Variants in PEX6 observed in about 807,000 individuals in gnomAD.
The protein encoded by PEX6 is peroxisomal biogenesis factor 6, also known as peroxisome biogenesis factor 6.
In PEX6, 55 loss-of-function variants were observed where a neutral mutation model predicts 85.6. That is an observed-to-expected ratio of 0.64 (90% CI 0.52 to 0.80). The LOEUF is 0.80. PEX6 is among the 30% of genes least tolerant of loss of function. The probability of loss-of-function intolerance (pLI) is 0.00; values close to 1 mark genes in which losing one functional copy is unlikely to be tolerated. For missense variants in PEX6, 1,099 were observed against 1,260.3 expected (o/e 0.87, Z 1.94); for synonymous variants, 519 against 549.1 (o/e 0.95, Z 0.77).
At position 42,968,969 on chromosome 6, in the gene PEX6, C is replaced by T. The variant is rs2114246099; in HGVS notation, c.1384G>A (p.Gly462Arg). The T allele has an allele frequency of 6.2e-7, 1 of 1,613,526 alleles. No homozygotes were observed. ...RLQPGGALLT[G>R]TSSVLLRGPP... ...CCCCGTAGAAGGACACTGCTAGTTCCTGTCAGCAGGGCACCCCTGCAACCA... is the reference window on the plus strand; with the variant it reads ...CCCCGTAGAAGGACACTGCTAGTTCTTGTCAGCAGGGCACCCCTGCAACCA... Residue 462 changes from glycine (G) to arginine (R), a missense_variant, in exon 6 of 17, where the codon GGA (glycine) becomes AGA (arginine). Transcript: ENST00000304611.
At chr6:42,974,242 T>A (rs1308328422) in intron 2 of PEX6, among the ~76,000 whole-genome samples, 156 bp from the exon 3 acceptor site, 1 of 151,936 alleles carries the variant, frequency 6.6e-6, no homozygotes, top group Non-Finnish European at 1.5e-5. Flanking sequence ...AGTCTTAGGA[T>A]GAGCTAGGGG....
Position 42,966,553 on chromosome 6 carries a change from G to T in PEX6, c.2066C>A (p.Ala689Asp), listed in dbSNP as rs1396207688. The T allele has an allele frequency of 6.2e-7, 1 of 1,614,090 alleles. No individual in the cohort carries two copies. Among genetic ancestry groups the T allele is most frequent in the African/African-American group, 1.3e-5 (1 of 74,920 alleles). The change falls in exon 10 of 17, where the codon GCT becomes GAT. Residue 689 changes from alanine (A) to aspartate (D), a missense_variant. This residue lies in a region of PEX6 where 514 missense variants were observed against 627.0 expected (regional missense o/e 0.82). Transcript: ENST00000304611. ...FGQALEQLQT[A>D]HSQAVGAPKI... ...GGGGGCTCCAACGGCCTGGGAGTGAGCTGTCTGCAGTTGCTCCAGTGCCTG... is the reference window on the plus strand; with the variant it reads ...GGGGGCTCCAACGGCCTGGGAGTGATCTGTCTGCAGTTGCTCCAGTGCCTG...
At chr6:42,978,159 C>T (rs1192197220) in intron 1 of PEX6, 110 bp downstream of exon 1, 1 of 1,348,324 alleles carries the variant, frequency 7.4e-7, no homozygotes, top group Non-Finnish European at 1.1e-6. Flanking sequence ...ACATTATGTT[C>T]AAAGTCCGGG....
intron 8 of PEX6, 74 bp from the exon 9 acceptor site, chr6:42,966,932 G>C (rs1033566778): frequency 1.8e-5 from 19 of 1,047,714 alleles, no homozygotes; most frequent in African/African-American, 7.8e-5. Context: ...CCCCCAGCTA[G>C]AGCAGAGGCC....
chr6:42,966,491 G>A (rs377590287), intron 10 of PEX6, 34 bp downstream of exon 10: 7 of 1,614,120 alleles, frequency 4.3e-6, no homozygotes, highest in Non-Finnish European at 5.9e-6. Flanking sequence ...TCTTGGAGGG[G>A]CTCCTGTCCC....
In PEX6 at chr6:42,974,957, G is replaced by A; in HGVS notation, c.964C>T (p.His322Tyr). ...TGGGGAGAAGACACAATTTCGATGT[G>A]TAACTCTCTGGCAAATGGAGGCCCA... is the stretch of plus-strand genomic sequence containing the variant. ...LPGPPFARELHIEIVSSPHYS... is the reference protein window; with the variant it reads ...LPGPPFARELYIEIVSSPHYS... The change falls in exon 2 of 17, where the codon CAC becomes TAC. Residue 322 changes from histidine to tyrosine, a missense_variant. His to Tyr is a moderately conservative substitution (Grantham distance 83). Transcript: ENST00000304611. 6.2e-7 allele frequency: 1 copy of A among 1,613,834 alleles called. No individual in the cohort carries two copies.
Position 42,979,048 on chromosome 6 carries a change from C to T in PEX6, c.103G>A (p.Gly35Ser), listed in dbSNP as rs991917699. 4 of 1,534,350 alleles carry T rather than the reference C, an allele frequency of 2.6e-6. No individual in the cohort carries two copies. The African/African-American group carries it at 5.5e-5, about 21-fold the overall frequency. The change falls in exon 1 of 17, where the codon GGC (glycine) becomes AGC (serine). Residue 35 changes from glycine (G) to serine (S), a missense_variant. Gly to Ser is a moderately conservative substitution (Grantham distance 56). Around this residue, in one of 3 missense-constraint regions of PEX6, gnomAD observed 579 missense variants for 611.6 expected, o/e 0.95. Coordinates refer to ENST00000304611, the MANE Select transcript of PEX6 (RefSeq NM_000287.4). ...GCAGGCCTCAGGGCCAGCACCAGGCCCAGCTCCGCCGCCGGCCACGGGCCC... is the reference window on the plus strand; with the variant it reads ...GCAGGCCTCAGGGCCAGCACCAGGCTCAGCTCCGCCGCCGGCCACGGGCCC... ...PGGPWPAAEL[G>S]LVLALRPAGE...
intron 8 of PEX6, 64 bp downstream of exon 8, chr6:42,967,304 T>G: frequency 1.3e-6 from 2 of 1,490,572 alleles, no homozygotes; most frequent in Non-Finnish European, 1.8e-6. Flanking sequence ...GCAACAGGAC[T>G]GAGTTCTTGT....
chr6:42,966,239 C>A lies in PEX6; in HGVS notation c.2300+3G>T. ...CACCATCCCTTCCAGGCCCCCTGGC[C>A]ACCTGAGGAAGGTAAGGCTGCACTC... is the stretch of plus-strand genomic sequence containing the variant. On this transcript the variant is annotated splice_donor_region_variant and intron_variant, in intron 11 of 16. Transcript: ENST00000304611. The A allele has an allele frequency of 6.2e-7, 1 of 1,612,024 alleles. No homozygotes were observed. Among genetic ancestry groups the A allele is most frequent in the Non-Finnish European group, 8.5e-7 (1 of 1,179,814 alleles).
rs996462307 is a variant in PEX6 at position 42,973,900 on chromosome 6, A to C, written c.1130+103T>G. The C allele has an allele frequency of 1.7e-5, 14 of 824,756 alleles. No individual in the cohort carries two copies. The Middle Eastern group carries it at 6.6e-4, about 39-fold the overall frequency. 51.1% of individuals were successfully genotyped at this position (824,756 alleles called of 1,614,324 possible). On this transcript the variant is annotated intron_variant, in intron 3 of 16. Coordinates refer to ENST00000304611, the MANE Select transcript of PEX6 (RefSeq NM_000287.4). ...CACACACAAAATACATGACAACGAAATCCTCTTGGGCACAAATTACACATG... is the reference window on the plus strand; with the variant it reads ...CACACACAAAATACATGACAACGAACTCCTCTTGGGCACAAATTACACATG...
At position 42,974,893 on chromosome 6, in the gene PEX6, CG is replaced by C. The variant is rs1388178333; in HGVS notation, c.1027del (p.Arg343GlyfsTer8). On this transcript the variant is annotated frameshift_variant, in exon 2 of 17. Coordinates refer to ENST00000304611, the MANE Select transcript of PEX6 (RefSeq NM_000287.4). LOFTEE classifies it high-confidence loss of function. The stretch of plus-strand genomic sequence containing the variant: ...AGCTAACCTGGGTATCTGAAAGTGC[CG>C]GTAAAGAACACCGTCATAATTTCCA... Reference protein sequence around the residue: ...TNGNYDGVLYRHFQIPRVVQE... With the variant: ...TNGNYDGVLYXHFQIPRVVQE... 5 of 1,613,856 alleles carry C rather than the reference CG, an allele frequency of 3.1e-6. No homozygotes were observed. The highest frequency in any genetic ancestry group is 4.2e-6 in the Non-Finnish European group (5 of 1,179,894).
chr6:42,969,495 T>C (rs539245036), intron 5 of PEX6, among the ~76,000 whole-genome samples, 173 bp downstream of exon 5: 2 of 152,284 alleles, frequency 1.3e-5, no homozygotes, highest in South Asian at 4.1e-4. Context: ...AGCCTGGGAA[T>C]TGGCTTACAG....
rs1248072636 is a variant in PEX6, at chr6:42,965,357, T to C, written c.2483A>G (p.Gln828Arg). The C allele has an allele frequency of 6.2e-7, 1 of 1,613,034 alleles. No individual in the cohort carries two copies. ...CAGCCCATCTAGCTCGGCAAGGAGC[T>C]GAGACACCACCCTGGAGAGAAGGGA... ...SGGVMDRVVS[Q>R]LLAELDGLHS... Residue 828 changes from glutamine to arginine, a missense_variant, in exon 14 of 17, where the codon CAG (glutamine) becomes CGG (arginine). By Grantham distance (43) the Gln-to-Arg change is conservative. Around this residue, in one of 3 missense-constraint regions of PEX6, gnomAD observed 514 missense variants for 627.0 expected, o/e 0.82. Transcript: ENST00000304611. The surrounding 1 kb of genome is among the most constrained non-coding windows in gnomAD (Gnocchi z 5.0).
chr6:42,975,373 A>G (rs1770246016), intron 1 of PEX6, among the ~76,000 whole-genome samples: 1 of 152,232 alleles, frequency 6.6e-6, no homozygotes, highest in Admixed American at 6.5e-5. Flanking sequence ...ACAGGGATTA[A>G]CATTAAGTGG....
Position 42,978,599 on chromosome 6 carries a change from G to A in PEX6, c.552C>T (p.Ser184=), listed in dbSNP as rs1470960597. Residue 184 remains serine (S), a synonymous_variant, in exon 1 of 17, where the codon TCC becomes TCT. Transcript: ENST00000304611. ...SRPPPPPVVS[S]FAVSGTVRRL... is the part of the protein sequence containing the mutation. The stretch of plus-strand genomic sequence containing the variant: ...GCCGCACTGTGCCAGAAACCGCAAA[G>A]GAGGACACCACGGGCGGGGGTGGGG... 1.2e-6 allele frequency: 2 copies of A among 1,609,754 alleles called. No homozygotes were observed. The highest frequency in any genetic ancestry group is 1.7e-5 in the Admixed American group (1 of 59,882).
Position 42,965,901 on chromosome 6 carries a change from G to C in PEX6, c.2363-112C>G. 1 of 1,292,086 alleles carries C rather than the reference G, an allele frequency of 7.7e-7. No homozygotes were observed. Among genetic ancestry groups the C allele is most frequent in the South Asian group, 1.2e-5 (1 of 84,334 alleles). 80.0% of individuals were successfully genotyped at this position (1,292,086 alleles called of 1,614,324 possible). ...CTGACAATACAGCACTGGCATCCCA[G>C]GTACTAGACCCAGCTGGGCAGGAAC... is the stretch of plus-strand genomic sequence containing the variant. On this transcript the variant is annotated intron_variant, in intron 12 of 16. Coordinates refer to ENST00000304611, the MANE Select transcript of PEX6 (RefSeq NM_000287.4). This position sits in a 1 kb window ranked among gnomAD's most constrained non-coding sequence, Gnocchi z 5.0.
At position 42,965,919 on chromosome 6, in the gene PEX6, G is replaced by A. The variant is rs1769779175; in HGVS notation, c.2362+125C>T. On this transcript the variant is annotated intron_variant, in intron 12 of 16. Transcript: ENST00000304611. The surrounding 1 kb of genome is among the most constrained non-coding windows in gnomAD (Gnocchi z 5.0). ...CATCCCAGGTACTAGACCCAGCTGG[G>A]CAGGAACCTGACTTGTAGAAAGGAG... The A allele has an allele frequency of 1.5e-6, 2 of 1,348,818 alleles. No homozygotes were observed. Among genetic ancestry groups the A allele is most frequent in the African/African-American group, 1.4e-5 (1 of 69,778 alleles). The allele number at this position is 1,348,818 out of a possible 1,614,324, so 83.6% of individuals were successfully genotyped here.
chr6:42,974,154 TC>T, intron 2 of PEX6, 68 bp from the exon 3 acceptor site: 1 of 1,190,824 alleles, frequency 8.4e-7, no homozygotes, highest in Non-Finnish European at 1.3e-6. Context: ...TTACCACATG[TC>T]CACCCCCGAC....
chr6:42,967,986 G>A (rs1439163788), intron 7 of PEX6, among the ~76,000 whole-genome samples: 1 of 140,560 alleles, frequency 7.1e-6, no homozygotes, highest in Non-Finnish European at 1.5e-5. Flanking sequence ...TGCTCTTGTC[G>A]CCCAGGCTGG....
Sources: gnomAD v4.1 joint callset for allele counts (sites outside exome capture counted in the v4.1 genomes callset) on GRCh38, gnomAD v4.1.1 for gene constraint, gnomAD v4.1.1 regional missense constraint, Gnocchi (gnomAD v3.1) non-coding constraint, MANE v1.5 for transcripts, NCBI Gene and HGNC (gene_info 2026-07-23, HGNC 2026-07-21) for gene names.